The following PDE10A variants were observed in gnomAD, a reference collection of about 807,000 sequenced individuals.
PDE10A encodes the protein phosphodiesterase 10A, also known as cAMP and cAMP-inhibited cGMP 3',5'-cyclic phosphodiesterase 10A.
In PDE10A, 39 loss-of-function variants were observed where a neutral mutation model predicts 97.7. The observed-to-expected ratio is 0.40, with a 90% CI of 0.31 to 0.52. PDE10A has a LOEUF of 0.52. Ranked by LOEUF, PDE10A falls within the 20% of genes least tolerant of loss-of-function variation. PDE10A has a pLI of 0.56. For synonymous variants in PDE10A, 371 were observed against 376.8 expected, an observed-to-expected ratio of 0.98 and a Z score of 0.18; for missense variants, 731 against 1,047.8, an observed-to-expected ratio of 0.70 and a Z score of 4.17.
At chr6:165,394,815 C>A (rs1431613523) in intron 15 of PDE10A, among the ~76,000 whole-genome samples, 3 of 152,118 alleles carry the variant, frequency 2.0e-5, no homozygotes, top group Non-Finnish European at 4.4e-5. Context: ...TCTCTAATGA[C>A]CAGTGATGAT....
chr6:165,339,875 A>C lies in PDE10A; in HGVS notation c.2896-517T>G, dbSNP rs115648658. Among the ~76,000 whole-genome samples the C allele has an allele frequency of 5.7e-3, 869 of 152,368 alleles. 7 individuals carry two copies. The highest frequency in any genetic ancestry group is 0.02 in the African/African-American group (832 of 41,592). On this transcript the variant is annotated intron_variant, in intron 19 of 21. Coordinates refer to ENST00000539869, the MANE Select transcript of PDE10A (RefSeq NM_001385079.1). ...TTATAGGTAATACTTACTAAAGATT[A>C]ACTATGTTAGTTACTGAAGGTTCAC...
At chr6:165,455,733 T>G (rs142085244) in intron 3 of PDE10A, among the ~76,000 whole-genome samples, 10 of 152,322 alleles carry the variant, frequency 6.6e-5, no homozygotes, top group African/African-American at 2.4e-4. Context: ...TAAGGGCTGA[T>G]TCCCCCTCCC....
At chr6:165,951,942 T>G (rs1783976288) in intron 1 of PDE10A, among the ~76,000 whole-genome samples, 4 of 152,250 alleles carry the variant, frequency 2.6e-5, no homozygotes, top group Non-Finnish European at 5.9e-5. Flanking sequence ...CTTGCTCTAG[T>G]TATTTATAAT....
chr6:165,591,696 G>GT (rs1221375097), intron 1 of PDE10A, among the ~76,000 whole-genome samples: 1 of 151,914 alleles, frequency 6.6e-6, no homozygotes, highest in African/African-American at 2.4e-5. Flanking sequence ...TTGCTTTTTT[G>GT]TTTTTTTAAG....
At chr6:165,647,849 C>G (rs1446847125) in intron 1 of PDE10A, among the ~76,000 whole-genome samples, 1 of 152,064 alleles carries the variant, frequency 6.6e-6, no homozygotes, top group Non-Finnish European at 1.5e-5. Context: ...CCTGAAGGCA[C>G]TATTGCAAAC....
intron 1 of PDE10A, among the ~76,000 whole-genome samples, chr6:165,686,435 G>A (rs1024969646): frequency 2.6e-5 from 4 of 152,070 alleles, no homozygotes; most frequent in African/African-American, 7.2e-5. Flanking sequence ...TTTACTTTCC[G>A]CCTTCAGGTG....
chr6:165,628,146 C>T (rs151278335), intron 1 of PDE10A, among the ~76,000 whole-genome samples: 6 of 152,204 alleles, frequency 3.9e-5, no homozygotes, highest in Admixed American at 1.3e-4. Context: ...ACTCCAGGAT[C>T]GGCTTGCCTG....
intron 1 of PDE10A, among the ~76,000 whole-genome samples, chr6:165,853,177 G>A (rs544697961): frequency 1.3e-5 from 2 of 152,168 alleles, no homozygotes; most frequent in Non-Finnish European, 2.9e-5. Context: ...AATTGAGGAC[G>A]AGGCCTCTGC....
chr6:165,772,158 C>T (rs1193911789), intron 1 of PDE10A, among the ~76,000 whole-genome samples: 2 of 152,144 alleles, frequency 1.3e-5, no homozygotes, highest in Non-Finnish European at 1.5e-5. Flanking sequence ...TTAGCCCCAC[C>T]GGCAAGTACA....
intron 1 of PDE10A, among the ~76,000 whole-genome samples, chr6:165,575,740 G>T (rs1562594943): frequency 6.6e-6 from 1 of 152,156 alleles, no homozygotes; most frequent in Non-Finnish European, 1.5e-5. Context: ...TCTAATTCAT[G>T]TGTTAATAAT....
chr6:165,946,368 G>C (rs1241722557), intron 1 of PDE10A, among the ~76,000 whole-genome samples: 4 of 152,032 alleles, frequency 2.6e-5, no homozygotes, highest in African/African-American at 9.7e-5. Flanking sequence ...GCTGGCATGC[G>C]CCTGTAGTCC....
intron 17 of PDE10A, among the ~76,000 whole-genome samples, chr6:165,380,941 T>G (rs1248719668): frequency 6.6e-6 from 1 of 152,270 alleles, no homozygotes; most frequent in East Asian, 1.9e-4. Flanking sequence ...TGAACATGTT[T>G]CAGCATGTCT....
chr6:165,806,678 G>C (rs1779151732), intron 1 of PDE10A, among the ~76,000 whole-genome samples: 1 of 150,774 alleles, frequency 6.6e-6, no homozygotes, highest in African/African-American at 2.4e-5. Context: ...TTTAGACTTT[G>C]ATGAGGTCCC....
intron 11 of PDE10A, 125 bp from the exon 12 acceptor site, chr6:165,416,406 T>C (rs1788316983): frequency 7.3e-6 from 5 of 686,110 alleles, no homozygotes; most frequent in Non-Finnish European, 1.3e-5. Flanking sequence ...TGTATTACTT[T>C]TACGTTTACA....
intron 1 of PDE10A, among the ~76,000 whole-genome samples, chr6:165,654,152 G>A (rs1241737700): frequency 6.6e-6 from 1 of 152,076 alleles, no homozygotes; most frequent in Non-Finnish European, 1.5e-5. Flanking sequence ...CATTTACTCT[G>A]CCAGCCCTTT....
At chr6:165,585,865 A>G (rs576070686) in intron 1 of PDE10A, among the ~76,000 whole-genome samples, 1 of 152,302 alleles carries the variant, frequency 6.6e-6, no homozygotes, top group South Asian at 2.1e-4. Flanking sequence ...CAGAGGCATG[A>G]GAGTGAGGCA....
intron 2 of PDE10A, among the ~76,000 whole-genome samples, chr6:165,490,317 A>G (rs972194036): frequency 6.6e-6 from 1 of 152,212 alleles, no homozygotes; most frequent in African/African-American, 2.4e-5. Flanking sequence ...AACAATTATC[A>G]GCCAAGAATT....
rs145820883 is a variant in PDE10A, at chr6:165,600,511, G to A, written c.866-56943C>T. Among the ~76,000 whole-genome samples, 269 of 152,326 alleles carry A rather than the reference G, an allele frequency of 1.8e-3. 2 individuals are homozygous for A. The highest frequency in any genetic ancestry group is 6.0e-3 in the African/African-American group (251 of 41,576). ...CACATACACATGTAAATGTTCTGAC[G>A]TGTCCTTTCACGTCCAGGGTAGCAT... On this transcript the variant is annotated intron_variant, in intron 1 of 21. Coordinates refer to ENST00000539869, the MANE Select transcript of PDE10A (RefSeq NM_001385079.1).
At chr6:165,873,111 A>G (rs1227795657) in intron 1 of PDE10A, among the ~76,000 whole-genome samples, 1 of 152,170 alleles carries the variant, frequency 6.6e-6, no homozygotes, top group Admixed American at 6.5e-5. Flanking sequence ...GGAAGCCAGA[A>G]TGTTCGGGGG....
Sources: gnomAD v4.1 joint callset for allele counts (sites outside exome capture counted in the v4.1 genomes callset) on GRCh38, gnomAD v4.1.1 for gene constraint, MANE v1.5 for transcripts, NCBI Gene and HGNC (gene_info 2026-07-23, HGNC 2026-07-21) for gene names.